The following TCF12 variants were observed in gnomAD, a reference collection of about 807,000 sequenced individuals.
The protein encoded by TCF12 is transcription factor 12.
Under a neutral mutation model 86.0 loss-of-function variants are expected in TCF12, and 45 were observed. The observed-to-expected ratio is 0.52, with a 90% CI of 0.41 to 0.67. The LOEUF is 0.67. TCF12 is among the 30% of genes least tolerant of loss of function. TCF12 has a pLI of 0.00. For synonymous variants in TCF12, 330 were observed against 299.6 expected (o/e 1.10, Z -1.05); for missense variants, 881 against 859.9 (o/e 1.02, Z -0.31).
At chr15:57,060,428 G>A (rs2068374253) in intron 3 of TCF12, among the ~76,000 whole-genome samples, 1 of 152,008 alleles carries the variant, frequency 6.6e-6, no homozygotes, top group Non-Finnish European at 1.5e-5. Context: ...AGGTTAACAA[G>A]GAAAAAAATA....
chr15:56,919,822 A>C, intron 1 of TCF12, 70 bp from the exon 2 acceptor site: 11 of 1,382,204 alleles, frequency 8.0e-6, no homozygotes, highest in South Asian at 2.4e-5. Flanking sequence ...CTTCCCCAGT[A>C]CCTCTCTCTG....
chr15:57,274,356 G>A (rs555348194), intron 19 of TCF12, among the ~76,000 whole-genome samples: 1 of 152,314 alleles, frequency 6.6e-6, no homozygotes, highest in East Asian at 1.9e-4. Flanking sequence ...GAATAAGAAT[G>A]AGGGATAGAT....
chr15:57,008,362 A>G (rs972896048), intron 3 of TCF12, among the ~76,000 whole-genome samples: 3 of 137,556 alleles, frequency 2.2e-5, no homozygotes, highest in Non-Finnish European at 3.1e-5. Flanking sequence ...CACATTAGCC[A>G]TGTAAAAATA....
intron 3 of TCF12, among the ~76,000 whole-genome samples, chr15:56,928,607 C>T (rs2060116342): frequency 6.6e-6 from 1 of 152,058 alleles, no homozygotes. Flanking sequence ...TCATGAAGTA[C>T]CCAGGAACCT....
At chr15:57,219,333 T>C (rs1168678034) in intron 8 of TCF12, 1 of 1,232,154 alleles carries the variant, frequency 8.1e-7, no homozygotes, top group Non-Finnish European at 1.0e-6. Flanking sequence ...TGAAAGAGGT[T>C]ACTTACAGCA....
At chr15:57,248,907 T>C (rs1482793045) in intron 13 of TCF12, among the ~76,000 whole-genome samples, 1 of 152,206 alleles carries the variant, frequency 6.6e-6, no homozygotes, top group Non-Finnish European at 1.5e-5. Context: ...ACAGCCTGTT[T>C]TGCAAAAGCA....
chr15:57,092,834 A>G (rs1051592193), intron 5 of TCF12, among the ~76,000 whole-genome samples: 107 of 152,312 alleles, frequency 7.0e-4, no homozygotes, highest in African/African-American at 2.4e-3. Context: ...GACATGACCT[A>G]TATTGTGATC....
At chr15:57,101,063 C>T (rs1352131843) in intron 5 of TCF12, among the ~76,000 whole-genome samples, 2 of 152,068 alleles carry the variant, frequency 1.3e-5, no homozygotes, top group Non-Finnish European at 2.9e-5. Flanking sequence ...TTCCACATCT[C>T]AGCTTCTTTT....
intron 3 of TCF12, among the ~76,000 whole-genome samples, chr15:57,049,692 T>C (rs1470447626): frequency 6.6e-6 from 1 of 152,248 alleles, no homozygotes; most frequent in African/African-American, 2.4e-5. Context: ...TAATTCTGTT[T>C]GTAGATACAT....
intron 4 of TCF12, among the ~76,000 whole-genome samples, 199 bp from the exon 5 acceptor site, chr15:57,091,590 A>G (rs1376153273): frequency 6.6e-6 from 1 of 152,222 alleles, no homozygotes; most frequent in Non-Finnish European, 1.5e-5. Flanking sequence ...ACGATCAATA[A>G]AGAAAATGTT....
At chr15:57,285,897 C>T (rs2061914484) in intron 20 of TCF12, among the ~76,000 whole-genome samples, 1 of 152,144 alleles carries the variant, frequency 6.6e-6, no homozygotes, top group South Asian at 2.1e-4. Context: ...CACTGCGCTC[C>T]AGCGAGGGTG....
chr15:56,921,769 C>T (rs1264477078), intron 3 of TCF12, among the ~76,000 whole-genome samples: 1 of 151,778 alleles, frequency 6.6e-6, no homozygotes, highest in Non-Finnish European at 1.5e-5. Context: ...TTTTATTTCC[C>T]CTGGTAAAAT....
In TCF12 at chr15:57,231,242, A is replaced by G. The variant is rs1205345180; in HGVS notation, c.670A>G (p.Thr224Ala). ...PKPPTSMFAS[T>A]FFMQDGTHNS... ...GCCACCAACCAGTATGTTCGCTAGCACTTTCTTTATGCAAGGTAAGTACTA... is the reference window on the plus strand; with the variant it reads ...GCCACCAACCAGTATGTTCGCTAGCGCTTTCTTTATGCAAGGTAAGTACTA... The change falls in exon 9 of 21, where the codon ACT becomes GCT. Residue 224 changes from threonine (T) to alanine (A), a missense_variant. This residue lies in a region of TCF12 where 766 missense variants were observed against 718.9 expected (regional missense o/e 1.07). Transcript: ENST00000333725. The G allele has an allele frequency of 5.6e-6, 9 of 1,611,852 alleles. No homozygotes were observed. The highest frequency in any genetic ancestry group is 2.2e-5 in the South Asian group (2 of 91,036).
rs75902395 is a variant in TCF12 at position 57,150,259 on chromosome 15, G to A, written c.326-16143G>A. On this transcript the variant is annotated intron_variant, in intron 5 of 20. Transcript: ENST00000333725. ...GGTTCCAAGTCTTTGGCCAAGTACT[G>A]ACATGTACATGCATGTATATGCATG... Among the ~76,000 whole-genome samples, 542 of 152,318 alleles carry A rather than the reference G, an allele frequency of 3.6e-3. 2 individuals are homozygous for A. Among genetic ancestry groups the A allele is most frequent in the African/African-American group, 0.013 (525 of 41,558 alleles).
chr15:57,164,236 T>TTGGCC (rs1358801342), intron 5 of TCF12, among the ~76,000 whole-genome samples: 1 of 152,198 alleles, frequency 6.6e-6, no homozygotes, highest in Non-Finnish European at 1.5e-5. Flanking sequence ...TGGCCCATAC[T>TTGGCC]ATTACTGATA....
chr15:57,072,524 T>C (rs1369493223), intron 4 of TCF12: 1 of 377,306 alleles, frequency 2.7e-6, no homozygotes, highest in Non-Finnish European at 4.0e-6. Flanking sequence ...CTCAAAATTG[T>C]GTGTTTGCTA....
chr15:57,179,316 C>A (rs1397638922), intron 6 of TCF12, among the ~76,000 whole-genome samples: 1 of 152,140 alleles, frequency 6.6e-6, no homozygotes, highest in Non-Finnish European at 1.5e-5. Flanking sequence ...GAAACCCCAT[C>A]TCTACTAGAA....
chr15:56,952,345 T>C (rs546556949), intron 3 of TCF12, among the ~76,000 whole-genome samples: 123 of 152,120 alleles, frequency 8.1e-4, no homozygotes, highest in African/African-American at 2.9e-3. Flanking sequence ...TTTGTTTTTT[T>C]TTTTTTCAAA....
intron 5 of TCF12, among the ~76,000 whole-genome samples, chr15:57,162,740 A>G (rs1567542556): frequency 6.6e-6 from 1 of 152,218 alleles, no homozygotes; most frequent in Admixed American, 6.5e-5. Flanking sequence ...TAGCCTCGAC[A>G]CAGATAATTA....
Sources: gnomAD v4.1 joint callset for allele counts (sites outside exome capture counted in the v4.1 genomes callset) on GRCh38, gnomAD v4.1.1 for gene constraint, gnomAD v4.1.1 regional missense constraint, MANE v1.5 for transcripts, NCBI Gene and HGNC (gene_info 2026-07-23, HGNC 2026-07-21) for gene names.